The following BACH2 variants were observed in gnomAD, a reference collection of about 807,000 sequenced individuals.
BACH2 encodes transcription regulator protein BACH2.
Under a neutral mutation model 61.8 loss-of-function variants are expected in BACH2, and 5 were observed. The observed-to-expected ratio is 0.08, with a 90% CI of 0.04 to 0.17. The LOEUF (loss-of-function observed/expected upper bound fraction) is 0.17. Among genes scored for constraint, BACH2 ranks in the 10% least tolerant of loss-of-function variants. BACH2 has a pLI of 1.00. For synonymous variants in BACH2, 446 were observed against 440.1 expected, an observed-to-expected ratio of 1.01 and a Z score of -0.17; for missense variants, 824 against 1,091.1, an observed-to-expected ratio of 0.76 and a Z score of 3.45.
intron 6 of BACH2, among the ~76,000 whole-genome samples, chr6:89,954,880 C>G (rs1288360146): frequency 6.6e-6 from 1 of 152,158 alleles, no homozygotes; most frequent in Non-Finnish European, 1.5e-5. Context: ...TGTAAACTGT[C>G]ACTTAAGCCC....
chr6:90,186,242 C>T (rs62408209), intron 4 of BACH2, among the ~76,000 whole-genome samples: 12,013 of 152,192 alleles, frequency 0.079, 559 homozygotes, highest in South Asian at 0.14. Flanking sequence ...CAGGGAGACA[C>T]ACACAAAAAA....
intron 7 of BACH2, among the ~76,000 whole-genome samples, chr6:89,949,328 C>T (rs1335172705): frequency 6.6e-6 from 1 of 152,090 alleles, no homozygotes; most frequent in African/African-American, 2.4e-5. Flanking sequence ...ACACAGGTAG[C>T]AGTCTCAAGC....
In BACH2 at chr6:90,032,949, A is replaced by T. The variant is rs140226607; in HGVS notation, c.-12-24093T>A. On this transcript the variant is annotated intron_variant, in intron 5 of 8. Transcript: ENST00000257749. ...ACTATTCACAATAGCAAAGACTTGG[A>T]ACCAACCCAAATGTCCAACAATGAT... Among the ~76,000 whole-genome samples the T allele has an allele frequency of 5.2e-3, 795 of 152,314 alleles. 50 individuals carry two copies. The East Asian group carries it at 0.14, about 26-fold the overall frequency.
At chr6:90,134,872 G>T (rs942870988) in intron 4 of BACH2, among the ~76,000 whole-genome samples, 1 of 152,168 alleles carries the variant, frequency 6.6e-6, no homozygotes, top group African/African-American at 2.4e-5. Context: ...ACTTAGGAGG[G>T]TCATGCCTCC....
At position 89,930,901 on chromosome 6, in the gene BACH2, G is replaced by C. The variant is rs1301631503; in HGVS notation, c.*1507C>G. The C allele has an allele frequency of 6.6e-6, 1 of 152,406 alleles. No homozygotes were observed. The highest frequency in any genetic ancestry group is 2.4e-5 in the African/African-American group (1 of 41,466). 9.4% of individuals were successfully genotyped at this position (152,406 alleles called of 1,614,324 possible). On this transcript the variant is annotated 3_prime_UTR_variant, in exon 9 of 9. Coordinates refer to ENST00000257749, the MANE Select transcript of BACH2 (RefSeq NM_021813.4). ...AAAGAATGTGTCAGCCTGTGTCAGG[G>C]ATGGATCGCAGATGCCAGGATGCCC...
At chr6:90,155,580 A>T (rs1352545767) in intron 4 of BACH2, among the ~76,000 whole-genome samples, 1 of 152,178 alleles carries the variant, frequency 6.6e-6, no homozygotes, top group Non-Finnish European at 1.5e-5. Flanking sequence ...AAATCATCAC[A>T]ACATTCTGTA....
intron 5 of BACH2, among the ~76,000 whole-genome samples, chr6:90,010,451 G>A (rs1408238260): frequency 6.6e-6 from 1 of 152,046 alleles, no homozygotes; most frequent in African/African-American, 2.4e-5. Context: ...TTATTACTTA[G>A]CATCCTATTG....
chr6:90,159,384 T>C (rs1156947509), intron 4 of BACH2, among the ~76,000 whole-genome samples: 1 of 152,168 alleles, frequency 6.6e-6, no homozygotes, highest in Non-Finnish European at 1.5e-5. Flanking sequence ...AGTGAAAATA[T>C]ATGGAAGTAT....
intron 4 of BACH2, among the ~76,000 whole-genome samples, chr6:90,156,782 C>T (rs1785008518): frequency 6.6e-6 from 1 of 152,122 alleles, no homozygotes; most frequent in African/African-American, 2.4e-5. Context: ...TATGAAACAA[C>T]ACGGAGTAAC....
At chr6:90,071,001 G>T (rs576183267) in intron 5 of BACH2, among the ~76,000 whole-genome samples, 5 of 151,994 alleles carry the variant, frequency 3.3e-5, no homozygotes, top group South Asian at 2.1e-4. Flanking sequence ...TTTTTTTGGG[G>T]GGAAGTCAGA....
chr6:90,061,364 T>C (rs904178668), intron 5 of BACH2, among the ~76,000 whole-genome samples: 2 of 152,158 alleles, frequency 1.3e-5, no homozygotes, highest in Non-Finnish European at 2.9e-5. Context: ...TGTCATTTCA[T>C]TTATTGAGAT....
intron 5 of BACH2, among the ~76,000 whole-genome samples, chr6:90,041,855 G>T (rs1448182301): frequency 6.6e-6 from 1 of 152,006 alleles, no homozygotes; most frequent in African/African-American, 2.4e-5. Context: ...TTCAGTTTTT[G>T]AATTCAGGAT....
chr6:90,143,482 C>G (rs1325795848), intron 4 of BACH2, among the ~76,000 whole-genome samples: 1 of 152,136 alleles, frequency 6.6e-6, no homozygotes, highest in Admixed American at 6.5e-5. Context: ...GTTACCTGAA[C>G]CACACCTCCC....
At chr6:90,108,951 T>C (rs1398010009) in intron 4 of BACH2, among the ~76,000 whole-genome samples, 2 of 152,190 alleles carry the variant, frequency 1.3e-5, no homozygotes, top group African/African-American at 4.8e-5. Flanking sequence ...TTAGAGAATC[T>C]GTTTCTGAAT....
chr6:90,188,586 G>A (rs1768440577), intron 4 of BACH2, among the ~76,000 whole-genome samples: 1 of 151,944 alleles, frequency 6.6e-6, no homozygotes, highest in East Asian at 1.9e-4. Context: ...GCCATACTGT[G>A]TACTCATTCA....
chr6:89,994,376 A>C (rs1776736798), intron 6 of BACH2, among the ~76,000 whole-genome samples: 1 of 152,242 alleles, frequency 6.6e-6, no homozygotes, highest in Admixed American at 6.5e-5. Flanking sequence ...ACAGGAATGC[A>C]AAGGCATCTG....
intron 5 of BACH2, among the ~76,000 whole-genome samples, chr6:90,011,675 C>T (rs1006670316): frequency 1.3e-5 from 2 of 152,158 alleles, no homozygotes; most frequent in Non-Finnish European, 2.9e-5. Context: ...GTAATCCCAG[C>T]ACTTTGGGAG....
chr6:90,011,169 T>C (rs1481027732), intron 5 of BACH2, among the ~76,000 whole-genome samples: 1 of 152,182 alleles, frequency 6.6e-6, no homozygotes, highest in Non-Finnish European at 1.5e-5. Flanking sequence ...GCTAGAAGTG[T>C]TATTTTTTTA....
At chr6:90,027,936 A>G (rs186262593) in intron 5 of BACH2, among the ~76,000 whole-genome samples, 2 of 152,338 alleles carry the variant, frequency 1.3e-5, no homozygotes, top group Admixed American at 6.5e-5. Context: ...TCTTATATTG[A>G]GGCAAATCTG....
Sources: allele counts gnomAD v4.1 joint callset (sites outside exome capture counted in the v4.1 genomes callset), GRCh38; gene constraint gnomAD v4.1.1; transcripts MANE v1.5; gene names NCBI Gene and HGNC (gene_info 2026-07-23, HGNC 2026-07-21).